Variants in GRIK4 observed in about 807,000 individuals in gnomAD.
The protein encoded by GRIK4 is glutamate ionotropic receptor kainate type subunit 4.
In GRIK4, 40 loss-of-function variants were observed where a neutral mutation model predicts 104.9. That is an observed-to-expected ratio of 0.38 (90% CI 0.30 to 0.50). The LOEUF (loss-of-function observed/expected upper bound fraction) is 0.50, where lower values mean the gene tolerates loss of function less well. GRIK4 is among the 20% of genes least tolerant of loss of function. The pLI is 0.93. For missense variants in GRIK4, 1,047 were observed against 1,308.1 expected, an observed-to-expected ratio of 0.80 and a Z score of 3.08; for synonymous variants, 485 against 524.9, an observed-to-expected ratio of 0.92 and a Z score of 1.04.
At chr11:120,950,173 C>G (rs921286507) in intron 14 of GRIK4, among the ~76,000 whole-genome samples, 2 of 152,202 alleles carry the variant, frequency 1.3e-5, no homozygotes, top group African/African-American at 4.8e-5. Flanking sequence ...AGCCCAGACC[C>G]AAATCTCAAA....
At chr11:120,813,912 G>A (rs573074133) in intron 4 of GRIK4, among the ~76,000 whole-genome samples, 8 of 152,188 alleles carry the variant, frequency 5.3e-5, no homozygotes, top group Non-Finnish European at 7.4e-5. Context: ...CTGAGGGACG[G>A]CCCCTTGGCT....
In GRIK4 at chr11:120,626,655, C is replaced by T. The variant is rs113461944; in HGVS notation, c.-158-27030C>T. On this transcript the variant is annotated intron_variant, in intron 1 of 20. Coordinates refer to ENST00000527524, the MANE Select transcript of GRIK4 (RefSeq NM_014619.5). ...GGGAACAGTAGTCTCCTAGGCATCC[C>T]GGAGCTCATTGCATCTGTTCCTCTG... Among the ~76,000 whole-genome samples, 318 of 152,226 alleles carry T rather than the reference C, an allele frequency of 2.1e-3. 2 individuals carry two copies. Among genetic ancestry groups the T allele is most frequent in the African/African-American group, 7.0e-3 (292 of 41,530 alleles).
chr11:120,960,049 G>C (rs887787119), intron 16 of GRIK4, among the ~76,000 whole-genome samples: 1 of 151,698 alleles, frequency 6.6e-6, no homozygotes, highest in Non-Finnish European at 1.5e-5. Context: ...AGAATTTATC[G>C]GCCAGGTGTG....
At chr11:120,622,378 GC>G (rs1179606144) in intron 1 of GRIK4, among the ~76,000 whole-genome samples, 1 of 152,196 alleles carries the variant, frequency 6.6e-6, no homozygotes, top group Non-Finnish European at 1.5e-5. Context: ...CCTTTAGGGG[GC>G]AGAAGTGAGA....
intron 6 of GRIK4, among the ~76,000 whole-genome samples, chr11:120,823,725 G>T (rs535852200): frequency 6.6e-6 from 1 of 152,178 alleles, no homozygotes; most frequent in African/African-American, 2.4e-5. Flanking sequence ...TTGTTCCCTC[G>T]AGCAGGGGTG....
intron 1 of GRIK4, among the ~76,000 whole-genome samples, chr11:120,626,058 T>C (rs561709944): frequency 2.1e-4 from 32 of 152,298 alleles, no homozygotes; most frequent in South Asian, 4.1e-4. Flanking sequence ...CAGGATAATT[T>C]GATGGAAGAC....
At chr11:120,975,483 A>G (rs1013988569) in intron 19 of GRIK4, among the ~76,000 whole-genome samples, 3 of 152,214 alleles carry the variant, frequency 2.0e-5, no homozygotes, top group Admixed American at 6.5e-5. Context: ...CATGATCAGA[A>G]CAGAGGCAAA....
intron 11 of GRIK4, among the ~76,000 whole-genome samples, chr11:120,876,146 T>TCAC (rs1316921023): frequency 2.0e-5 from 3 of 147,848 alleles, no homozygotes; most frequent in African/African-American, 5.0e-5. Flanking sequence ...ACTGTCATCA[T>TCAC]CACCACCACC....
intron 8 of GRIK4, among the ~76,000 whole-genome samples, chr11:120,861,293 A>G (rs763352987): frequency 2.0e-5 from 3 of 151,724 alleles, no homozygotes; most frequent in Non-Finnish European, 4.4e-5. Flanking sequence ...TTTTTAGTAG[A>G]GATGGGGTTT....
At chr11:120,661,205 A>C (rs1949808480) in intron 3 of GRIK4, among the ~76,000 whole-genome samples, 1 of 152,096 alleles carries the variant, frequency 6.6e-6, no homozygotes, top group Non-Finnish European at 1.5e-5. Context: ...ATTAGGACAG[A>C]TGTGGGGTGT....
chr11:120,686,136 G>A (rs74488178), intron 3 of GRIK4, among the ~76,000 whole-genome samples: 1,803 of 152,024 alleles, frequency 0.012, 34 homozygotes, highest in South Asian at 0.054. Flanking sequence ...GTGGCACATC[G>A]TAAGCGCATA....
At chr11:120,530,160 T>C (rs1201608718) in intron 1 of GRIK4, among the ~76,000 whole-genome samples, 1 of 152,238 alleles carries the variant, frequency 6.6e-6, no homozygotes, top group Non-Finnish European at 1.5e-5. Flanking sequence ...CTTTGACAAA[T>C]AGCCCTGTGG....
intron 1 of GRIK4, among the ~76,000 whole-genome samples, chr11:120,557,640 G>A (rs543883501): frequency 2.6e-4 from 40 of 152,182 alleles, no homozygotes; most frequent in East Asian, 3.9e-4. Context: ...CAGCATTCTC[G>A]TCTGAATCTG....
intron 8 of GRIK4, among the ~76,000 whole-genome samples, chr11:120,841,138 C>T (rs1204346014): frequency 2.0e-5 from 3 of 152,016 alleles, no homozygotes; most frequent in African/African-American, 7.3e-5. Context: ...CCATTGTAAC[C>T]ATATTTAAGT....
chr11:120,587,144 C>A (rs1161298862), intron 1 of GRIK4, among the ~76,000 whole-genome samples: 1 of 152,112 alleles, frequency 6.6e-6, no homozygotes, highest in Non-Finnish European at 1.5e-5. Context: ...TTAGAGGCGG[C>A]AGTCTCTGCT....
At chr11:120,795,036 G>A (rs1952482956) in intron 3 of GRIK4, among the ~76,000 whole-genome samples, 1 of 152,066 alleles carries the variant, frequency 6.6e-6, no homozygotes, top group African/African-American at 2.4e-5. Flanking sequence ...CTGGGGAGCA[G>A]AGCTAACGCA....
At chr11:120,718,339 A>G (rs988364462) in intron 3 of GRIK4, among the ~76,000 whole-genome samples, 2 of 152,224 alleles carry the variant, frequency 1.3e-5, no homozygotes, top group Non-Finnish European at 2.9e-5. Flanking sequence ...TGATGTGACC[A>G]GCGTCTCTGA....
chr11:120,549,501 C>CG lies in GRIK4; in HGVS notation c.-159+37620dup, dbSNP rs1425249688. Among the ~76,000 whole-genome samples the CG allele has an allele frequency of 5.3e-5, 8 of 152,184 alleles. No homozygotes were observed. Among genetic ancestry groups the CG allele is most frequent in the Non-Finnish European group, 1.0e-4 (7 of 68,036 alleles). On this transcript the variant is annotated intron_variant, in intron 1 of 20. Transcript: ENST00000527524. This position sits in a 1 kb window ranked among gnomAD's most constrained non-coding sequence, Gnocchi z 4.7. ...TAACAAACAAGGAGTGAGCCCTTCACGGGGGGCTGCAGTGGCACCTGTGTG... is the reference window on the plus strand; with the variant it reads ...TAACAAACAAGGAGTGAGCCCTTCACGGGGGGGCTGCAGTGGCACCTGTGTG...
At chr11:120,664,036 G>C (rs931933051) in intron 3 of GRIK4, among the ~76,000 whole-genome samples, 1 of 152,196 alleles carries the variant, frequency 6.6e-6, no homozygotes, top group African/African-American at 2.4e-5. Context: ...ATCCCCAACA[G>C]AAGGGCCCAA....
Sources: gnomAD v4.1 joint callset for allele counts (sites outside exome capture counted in the v4.1 genomes callset) on GRCh38, gnomAD v4.1.1 for gene constraint, Gnocchi (gnomAD v3.1) non-coding constraint, MANE v1.5 for transcripts, NCBI Gene and HGNC (gene_info 2026-07-23, HGNC 2026-07-21) for gene names.